Variants in ZSCAN5A observed in about 807,000 individuals in gnomAD.
ZSCAN5A encodes zinc finger and SCAN domain containing 5A, also known as zinc finger and SCAN domain-containing protein 5A.
A neutral mutation model predicts 23.7 loss-of-function variants in ZSCAN5A; 12 were observed. The ratio of observed to expected loss-of-function variants is 0.51; its 90% CI spans 0.32 to 0.82. ZSCAN5A has a LOEUF of 0.82. Ranked by LOEUF, ZSCAN5A falls within the 40% of genes least tolerant of loss-of-function variation. The pLI is 0.03. For missense variants in ZSCAN5A, 597 were observed against 617.9 expected (o/e 0.97, Z 0.36); for synonymous variants, 257 against 239.9 (o/e 1.07, Z -0.66).
chr19:56,244,446 C>T (rs28641657), intron 2 of ZSCAN5A: 141,128 of 1,485,372 alleles, frequency 0.095, 12,131 homozygotes, highest in African/African-American at 0.23. Context: ...ACCCTCGTGA[C>T]TGGTGCAGGG....
intron 2 of ZSCAN5A, among the ~76,000 whole-genome samples, chr19:56,334,233 T>A (rs2041514877): frequency 1.3e-5 from 2 of 152,134 alleles, no homozygotes; most frequent in Admixed American, 1.3e-4. Context: ...GAGTGGGGTG[T>A]TCTAGATGCC....
intron 2 of ZSCAN5A, among the ~76,000 whole-genome samples, chr19:56,276,047 C>T (rs1310990797): frequency 6.6e-6 from 1 of 152,188 alleles, no homozygotes; most frequent in Non-Finnish European, 1.5e-5. Flanking sequence ...TCTCTCTGCT[C>T]CCTGCTCCCG....
At chr19:56,257,851 C>T (rs1352289786) in intron 2 of ZSCAN5A, among the ~76,000 whole-genome samples, 3 of 98,546 alleles carry the variant, frequency 3.0e-5, no homozygotes, top group Non-Finnish European at 6.6e-5. Flanking sequence ...CGCCGGGAGA[C>T]TCTGCAAGCC....
At position 56,221,553 on chromosome 19, in the gene ZSCAN5A, A is replaced by G. The variant is rs1298118040; in HGVS notation, c.*22T>C. On this transcript the variant is annotated 3_prime_UTR_variant, in exon 6 of 6. Transcript: ENST00000683990. Reference sequence around the variant, plus strand: ...ATCATTCACTTCTTCTTGGTGCAGAAGGCATAGACCGGATTATGCAATCAC... The same window carrying G: ...ATCATTCACTTCTTCTTGGTGCAGAGGGCATAGACCGGATTATGCAATCAC... 1.3e-6 allele frequency: 2 copies of G among 1,553,462 alleles called. No individual in the cohort carries two copies.
At position 56,356,273 on chromosome 19, in the gene ZSCAN5A, G is replaced by A. The variant is rs1002951075; in HGVS notation, c.-358+6962C>T. On this transcript the variant is annotated intron_variant, in intron 2 of 6. Coordinates refer to the ZSCAN5A transcript ENST00000587340. ...GGAAAGTCTGAGCCCCGAACAAAGA[G>A]AGCAGCCACCTTTTAAACAATCAGT... Among the ~76,000 whole-genome samples, 2 of 148,624 alleles carry A rather than the reference G, an allele frequency of 1.3e-5. 1 individual carries two copies. The highest frequency in any genetic ancestry group is 1.3e-4 in the Admixed American group (2 of 15,046).
At chr19:56,299,567 C>G (rs2040097618) in intron 2 of ZSCAN5A, among the ~76,000 whole-genome samples, 1 of 152,136 alleles carries the variant, frequency 6.6e-6, no homozygotes, top group Non-Finnish European at 1.5e-5. Context: ...CCCTCAGTAT[C>G]CTCAGGGGTT....
intron 2 of ZSCAN5A, among the ~76,000 whole-genome samples, chr19:56,229,005 G>A (rs183235377): frequency 3.3e-5 from 5 of 152,276 alleles, no homozygotes; most frequent in Admixed American, 6.5e-5. Context: ...GGGTCCTACG[G>A]GGTTCCCTAG....
Position 56,355,288 on chromosome 19 carries a change from T to C in ZSCAN5A, c.-358+7947A>G, listed in dbSNP as rs1049730150. On this transcript the variant is annotated intron_variant, in intron 2 of 6. Coordinates refer to the ZSCAN5A transcript ENST00000587340. ...AAACTTACCAAAACTATCAAAATTG[T>C]ATAAAACTGCCTCCAAATGTCTCAG... Among the ~76,000 whole-genome samples the C allele has an allele frequency of 2.0e-5, 3 of 148,784 alleles. 1 individual carries two copies. The highest frequency in any genetic ancestry group is 7.6e-5 in the African/African-American group (3 of 39,536).
chr19:56,341,165 A>G (rs1462593531), intron 2 of ZSCAN5A: 4 of 152,222 alleles, frequency 2.6e-5, no homozygotes, highest in Non-Finnish European at 4.4e-5. Context: ...GATATCAGAG[A>G]TTGAAGATCA....
At chr19:56,337,869 A>G (rs1376757803) in intron 2 of ZSCAN5A, among the ~76,000 whole-genome samples, 3 of 152,210 alleles carry the variant, frequency 2.0e-5, no homozygotes, top group African/African-American at 7.2e-5. Flanking sequence ...ATCCTGGTCA[A>G]TATTTAGTGA....
chr19:56,251,183 T>C (rs1329139963), intron 2 of ZSCAN5A, among the ~76,000 whole-genome samples: 2 of 150,814 alleles, frequency 1.3e-5, no homozygotes, highest in Admixed American at 1.3e-4. Flanking sequence ...TGATGACCCT[T>C]GTGACTGTCA....
At position 56,222,702 on chromosome 19, in the gene ZSCAN5A, C is replaced by G. The variant is rs376620359; in HGVS notation, c.628G>C (p.Gly210Arg). The change falls in exon 5 of 6, where the codon GGT becomes CGT. Residue 210 changes from glycine (G) to arginine (R), a missense_variant. Coordinates refer to ENST00000683990, the MANE Select transcript of ZSCAN5A (RefSeq NM_001322064.3). ...TTGGGTCTCAGAGACTTTGGGTCACCTGTTACGTCAATACTCTTGTGTAGC... is the reference window on the plus strand; with the variant it reads ...TTGGGTCTCAGAGACTTTGGGTCACGTGTTACGTCAATACTCTTGTGTAGC... ...FLLHKSIDVT[G>R]DPKSLRPKQT... The G allele has an allele frequency of 3.7e-6, 6 of 1,614,012 alleles. No individual in the cohort carries two copies. The highest frequency in any genetic ancestry group is 4.5e-5 in the East Asian group (2 of 44,874).
intron 2 of ZSCAN5A, among the ~76,000 whole-genome samples, chr19:56,344,217 T>C (rs1203130321): frequency 6.6e-6 from 1 of 152,254 alleles, no homozygotes; most frequent in African/African-American, 2.4e-5. Context: ...ACGAAGATGA[T>C]AACAGTCCTT....
At chr19:56,319,739 AAC>A (rs1344756037), upstream of ZSCAN5A, 1 of 689,226 alleles carries the variant, frequency 1.5e-6, no homozygotes, top group Admixed American at 2.3e-5. Flanking sequence ...CTGTTTAACA[AAC>A]ACAGATCTGC....
At chr19:56,237,725 G>A (rs1441508899) in intron 2 of ZSCAN5A, among the ~76,000 whole-genome samples, 1 of 151,898 alleles carries the variant, frequency 6.6e-6, no homozygotes, top group Non-Finnish European at 1.5e-5. Context: ...TTTGAGACCA[G>A]CCTGGGCAAC....
Position 56,264,995 on chromosome 19 carries a change from G to C in ZSCAN5A, c.-127-39822C>G, listed in dbSNP as rs182724432. Among the ~76,000 whole-genome samples the C allele has an allele frequency of 3.8e-3, 576 of 152,112 alleles. 9 individuals carry two copies. Among genetic ancestry groups the C allele is most frequent in the African/African-American group, 0.013 (542 of 41,482 alleles). On this transcript the variant is annotated intron_variant, in intron 2 of 5. Transcript: ENST00000683990. Reference sequence around the variant, plus strand: ...AAATTAGCCAGGTGTGGTGGCAGGCGCCTGTAATCCCAGCTACTCGGGAGG... The same window carrying C: ...AAATTAGCCAGGTGTGGTGGCAGGCCCCTGTAATCCCAGCTACTCGGGAGG...
intron 2 of ZSCAN5A, among the ~76,000 whole-genome samples, chr19:56,324,897 C>T (rs111801654): frequency 0.046 from 7,010 of 152,200 alleles, 539 homozygotes; most frequent in African/African-American, 0.16. Context: ...AAACAATAGA[C>T]AACCACAAAA....
chr19:56,317,792 C>G (rs1275109751), upstream of ZSCAN5A: 1 of 152,418 alleles, frequency 6.6e-6, no homozygotes, highest in Non-Finnish European at 1.5e-5. Flanking sequence ...AGCTCAGAGT[C>G]TGGTTGCTGG....
In ZSCAN5A at chr19:56,223,645, A is replaced by C; in HGVS notation, c.574T>G (p.Leu192Val). The change falls in exon 4 of 6, where the codon TTG (leucine) becomes GTG (valine). Residue 192 changes from leucine (L) to valine (V), a missense_variant. By Grantham distance (32) the Leu-to-Val change is conservative. Transcript: ENST00000683990. ...CACACACTCACCTGCCTCCTGGACA[A>C]TGCAGGGACCCTGGGCAGGATCTGC... The part of the protein sequence containing the change: ...ELQILPRVPA[L>V]SRRQGEDFLL... 6.2e-7 allele frequency: 1 copy of C among 1,612,614 alleles called. No homozygotes were observed. Among genetic ancestry groups the C allele is most frequent in the Non-Finnish European group, 8.5e-7 (1 of 1,179,782 alleles).
Sources: gnomAD v4.1 joint callset for allele counts (sites outside exome capture counted in the v4.1 genomes callset) on GRCh38, gnomAD v4.1.1 for gene constraint, MANE v1.5 for transcripts, NCBI Gene and HGNC (gene_info 2026-07-23, HGNC 2026-07-21) for gene names.